Variants in CACNA1H observed in about 807,000 individuals in gnomAD.
CACNA1H encodes the protein voltage-dependent T-type calcium channel subunit alpha-1H.
A neutral mutation model predicts 192.5 loss-of-function variants in CACNA1H; 149 were observed. That is an observed-to-expected ratio of 0.77 (90% CI 0.68 to 0.89). The LOEUF (loss-of-function observed/expected upper bound fraction) is 0.89. Ranked by LOEUF, CACNA1H falls within the 40% of genes least tolerant of loss-of-function variation. CACNA1H has a pLI of 0.00. For synonymous variants in CACNA1H, 2,202 were observed against 1,475.2 expected, an observed-to-expected ratio of 1.49 and a Z score of -11.29; for missense variants, 4,257 against 3,423.5, an observed-to-expected ratio of 1.24 and a Z score of -6.08.
intron 2 of CACNA1H, among the ~76,000 whole-genome samples, chr16:1,186,351 G>A (rs1032590516): frequency 2.2e-4 from 33 of 152,136 alleles, no homozygotes; most frequent in African/African-American, 6.8e-4. Flanking sequence ...CCAGCCTGCC[G>A]TGACCGCACA....
At chr16:1,219,350 G>A (rs1288094479) in intron 34 of CACNA1H, among the ~76,000 whole-genome samples, 2 of 152,202 alleles carry the variant, frequency 1.3e-5, no homozygotes, top group African/African-American at 4.8e-5. Flanking sequence ...CAGAGCTCTT[G>A]GCTACAGGGA....
chr16:1,219,754 C>T (rs1289929806), intron 34 of CACNA1H, among the ~76,000 whole-genome samples: 4 of 150,764 alleles, frequency 2.7e-5, no homozygotes, highest in African/African-American at 7.3e-5. Flanking sequence ...CATCTCTGCC[C>T]ACAGAGCAGC....
intron 12 of CACNA1H, chr16:1,206,569 G>A: frequency 2.0e-6 from 1 of 500,148 alleles, no homozygotes; most frequent in East Asian, 3.6e-5. Context: ...CCGGGGGTGG[G>A]GGCAGGCACC....
At chr16:1,156,095 G>C (rs12930982) in intron 2 of CACNA1H, among the ~76,000 whole-genome samples, 10,978 of 152,184 alleles carry the variant, frequency 0.072, 747 homozygotes, top group African/African-American at 0.19. Flanking sequence ...CCTGCCCTTC[G>C]ATGGCATCCC....
intron 16 of CACNA1H, among the ~76,000 whole-genome samples, chr16:1,208,507 C>T (rs188303432): frequency 1.3e-5 from 2 of 152,326 alleles, no homozygotes; most frequent in Admixed American, 6.5e-5. Context: ...GGGGCAGAAG[C>T]GTGCCCGGCA....
In CACNA1H at chr16:1,153,721, T is replaced by C; in HGVS notation, c.-17T>C. ...CGGGTCACCCCCTGTCCTCTGCAGG[T>C]GCTGCCGGCCGCCACCATGACCGAG... On this transcript the variant is annotated splice_region_variant and 5_prime_UTR_variant, in exon 2 of 35. Coordinates refer to ENST00000348261, the MANE Select transcript of CACNA1H (RefSeq NM_021098.3). 1 of 1,200,440 alleles carries C rather than the reference T, an allele frequency of 8.3e-7. No individual in the cohort carries two copies. 74.4% of individuals were successfully genotyped at this position (1,200,440 alleles called of 1,614,324 possible).
chr16:1,217,253 C>T (rs1956231473), intron 31 of CACNA1H, among the ~76,000 whole-genome samples: 1 of 152,256 alleles, frequency 6.6e-6, no homozygotes. Flanking sequence ...CACACAGCAA[C>T]ACAGACACAG....
chr16:1,172,134 G>A (rs1007701904), intron 2 of CACNA1H, among the ~76,000 whole-genome samples: 3 of 152,166 alleles, frequency 2.0e-5, no homozygotes, highest in East Asian at 1.9e-4. Context: ...GCCCCGGGCC[G>A]CAGGGCGTGG....
intron 2 of CACNA1H, among the ~76,000 whole-genome samples, chr16:1,159,044 GC>G (rs1962835904): frequency 6.6e-6 from 1 of 152,270 alleles, no homozygotes; most frequent in Non-Finnish European, 1.5e-5. Context: ...CTGTTCGCCT[GC>G]CTGAGGCACT....
chr16:1,216,113 C>T (rs1164426038), intron 30 of CACNA1H, among the ~76,000 whole-genome samples: 1 of 152,194 alleles, frequency 6.6e-6, no homozygotes, highest in Non-Finnish European at 1.5e-5. Context: ...TCCGTCCATC[C>T]ACCAGCCCAG....
Position 1,166,629 on chromosome 16 carries a change from C to T in CACNA1H, c.299+12593C>T, listed in dbSNP as rs386468168. ...TGCAGTCAGCTGTCTCGGCGTCTCCCGCTGGCCTTTTCCGTCTCCGAGGTT... is the reference window on the plus strand; with the variant it reads ...TGCAGTCAGCTGTCTCGGCGTCTCCTGCTGGCCTTTTCCGTCTCCGAGGTT... On this transcript the variant is annotated intron_variant, in intron 2 of 34. Coordinates refer to ENST00000348261, the MANE Select transcript of CACNA1H (RefSeq NM_021098.3). Among the ~76,000 whole-genome samples, 350 of 152,252 alleles carry T rather than the reference C, an allele frequency of 2.3e-3. 1 individual carries two copies. Among genetic ancestry groups the T allele is most frequent in the South Asian group, 0.016 (77 of 4,806 alleles).
Position 1,210,427 on chromosome 16 carries a change from C to G in CACNA1H, c.3903C>G (p.Leu1301=), listed in dbSNP as rs745990247. ...ACAAGATGTTTGATCACGTGGTCCT[C>G]GTCTTCATCTTCCTCAACTGCGTCA... ...ITHKMFDHVV[L]VFIFLNCVTI... is the part of the protein sequence containing the mutation. Residue 1301 remains leucine (L), a synonymous_variant, in exon 19 of 35, where the codon CTC becomes CTG. Coordinates refer to ENST00000348261, the MANE Select transcript of CACNA1H (RefSeq NM_021098.3). 6.2e-6 allele frequency: 10 copies of G among 1,608,814 alleles called. No homozygotes were observed. The East Asian group carries it at 1.8e-4, about 29-fold the overall frequency.
chr16:1,172,506 C>G (rs1398271320), intron 2 of CACNA1H, among the ~76,000 whole-genome samples: 1 of 152,184 alleles, frequency 6.6e-6, no homozygotes. Context: ...ACGTAAGTAC[C>G]TGTGTGTTGT....
Position 1,220,011 on chromosome 16 carries a change from A to C in CACNA1H, c.6079A>C (p.Lys2027Gln), listed in dbSNP as rs778980873. 4.4e-6 allele frequency: 6 copies of C among 1,353,702 alleles called. No homozygotes were observed. The South Asian group carries it at 6.9e-5, about 16-fold the overall frequency. 83.9% of individuals were successfully genotyped at this position (1,353,702 alleles called of 1,614,324 possible). A position where few individuals can be genotyped will look rare whatever the true frequency, so the allele number is the denominator to read the frequency against. Reference protein sequence around the residue: ...EAVHTDSLEGKIDSPRDTLDP... With the variant: ...EAVHTDSLEGQIDSPRDTLDP... ...TGTGCACACCGATTCCTTGGAAGGG[A>C]AGATTGACAGCCCTAGGGACACCCT... Residue 2027 changes from lysine (K) to glutamine (Q), a missense_variant, in exon 35 of 35, where the codon AAG (lysine) becomes CAG (glutamine). Physicochemically the swap from Lys to Gln is moderately conservative, Grantham distance 53 (BLOSUM62 1). Transcript: ENST00000348261.
rs1298952590 is a variant in CACNA1H at position 1,211,050 on chromosome 16, G to C, written c.4223+79G>C. On this transcript the variant is annotated intron_variant, in intron 21 of 34. Transcript: ENST00000348261. Reference sequence around the variant, plus strand: ...GCCACTGCCCATTACTCCTCCCGCAGTCCTGGGCTGTTCGCAGGCCGCCCA... The same window carrying C: ...GCCACTGCCCATTACTCCTCCCGCACTCCTGGGCTGTTCGCAGGCCGCCCA... 5 of 1,557,602 alleles carry C rather than the reference G, an allele frequency of 3.2e-6. No individual in the cohort carries two copies. The East Asian group carries it at 1.1e-4, about 35-fold the overall frequency.
At chr16:1,214,468 CCT>C in intron 27 of CACNA1H, among the ~76,000 whole-genome samples, 1 of 152,336 alleles carries the variant, frequency 6.6e-6, no homozygotes, top group South Asian at 2.1e-4. Context: ...CAGGATCTTC[CCT>C]CTCCGGAGGT....
intron 2 of CACNA1H, among the ~76,000 whole-genome samples, chr16:1,160,442 C>T (rs531843708): frequency 1.4e-3 from 212 of 152,176 alleles, no homozygotes; most frequent in African/African-American, 4.9e-3. Flanking sequence ...ATGGTGGGGG[C>T]GGGGCTCGGG....
At chr16:1,179,053 C>T (rs987676382) in intron 2 of CACNA1H, among the ~76,000 whole-genome samples, 2 of 152,168 alleles carry the variant, frequency 1.3e-5, no homozygotes. Context: ...GAATGGGTGA[C>T]CCGTGGACAC....
At chr16:1,195,838 A>C in intron 4 of CACNA1H, 88 bp from the exon 5 acceptor site, 1 of 1,090,334 alleles carries the variant, frequency 9.2e-7, no homozygotes, top group Non-Finnish European at 1.4e-6. Flanking sequence ...GGCCGGTTCT[A>C]TGCCTGCCCA....
Sources: allele counts gnomAD v4.1 joint callset (sites outside exome capture counted in the v4.1 genomes callset), GRCh38; gene constraint gnomAD v4.1.1; transcripts MANE v1.5; gene names NCBI Gene and HGNC (gene_info 2026-07-23, HGNC 2026-07-21).